The following NCKAP5 variants were observed in gnomAD, a reference collection of about 807,000 sequenced individuals.
The protein encoded by NCKAP5 is NCK associated protein 5.
A neutral mutation model predicts 167.0 loss-of-function variants in NCKAP5; 92 were observed. That is an observed-to-expected ratio of 0.55 (90% CI 0.47 to 0.66). NCKAP5 has a LOEUF of 0.66. Ranked by LOEUF, NCKAP5 falls within the 30% of genes least tolerant of loss-of-function variation. NCKAP5 has a pLI of 0.00. For missense variants in NCKAP5, 2,378 were observed against 2,315.0 expected, an observed-to-expected ratio of 1.03 and a Z score of -0.56; for synonymous variants, 891 against 877.4, an observed-to-expected ratio of 1.02 and a Z score of -0.27.
intron 19 of NCKAP5, among the ~76,000 whole-genome samples, chr2:132,703,248 A>T (rs916066909): frequency 1.8e-4 from 28 of 152,366 alleles, no homozygotes; most frequent in African/African-American, 6.7e-4. Flanking sequence ...TGAAAAATTT[A>T]AAAATAAATG....
At chr2:133,112,869 G>A (rs926462425) in intron 6 of NCKAP5, among the ~76,000 whole-genome samples, 2 of 152,200 alleles carry the variant, frequency 1.3e-5, no homozygotes, top group African/African-American at 4.8e-5. Context: ...ATAGCTGACT[G>A]TTTTATTTCT....
chr2:133,395,961 C>T (rs745642283), intron 3 of NCKAP5, among the ~76,000 whole-genome samples: 5 of 152,030 alleles, frequency 3.3e-5, no homozygotes, highest in Non-Finnish European at 7.4e-5. Flanking sequence ...CTCTACTCAA[C>T]GTACCATTTT....
At chr2:133,571,715 T>C (rs1688873225), upstream of NCKAP5, among the ~76,000 whole-genome samples, 1 of 152,192 alleles carries the variant, frequency 6.6e-6, no homozygotes, top group South Asian at 2.1e-4. Context: ...CTCTTAGAGC[T>C]GCTTACTGGT....
the NCKAP5 span, among the ~76,000 whole-genome samples, chr2:133,631,856 C>G: frequency 1.3e-5 from 2 of 152,120 alleles, no homozygotes; most frequent in Non-Finnish European, 2.9e-5. Context: ...GAGGGCAACT[C>G]TTGGGCTTTA....
intron 3 of NCKAP5, among the ~76,000 whole-genome samples, chr2:133,404,032 T>C (rs1688269181): frequency 6.6e-6 from 1 of 152,188 alleles, no homozygotes; most frequent in Admixed American, 6.5e-5. Context: ...CCTACACACC[T>C]GGGTAGCCCA....
chr2:132,719,848 T>A (rs1689740388), intron 19 of NCKAP5, among the ~76,000 whole-genome samples: 1 of 152,086 alleles, frequency 6.6e-6, no homozygotes, highest in South Asian at 2.1e-4. Flanking sequence ...AGACATTCAG[T>A]GAAGACAGAG....
At chr2:133,509,014 C>T (rs1343851800) in intron 3 of NCKAP5, among the ~76,000 whole-genome samples, 1 of 152,208 alleles carries the variant, frequency 6.6e-6, no homozygotes, top group Non-Finnish European at 1.5e-5. Flanking sequence ...TGCTGGCAGA[C>T]AACACTTATC....
chr2:132,722,204 C>T (rs1419006506), intron 19 of NCKAP5, among the ~76,000 whole-genome samples: 1 of 152,130 alleles, frequency 6.6e-6, no homozygotes, highest in Admixed American at 6.5e-5. Context: ...GCCCTCATAC[C>T]CAGGTACTCT....
At chr2:133,658,828 GTGGCTTCTT>G in the NCKAP5 span, among the ~76,000 whole-genome samples, 1 of 152,070 alleles carries the variant, frequency 6.6e-6, no homozygotes, top group Non-Finnish European at 1.5e-5. Flanking sequence ...GTCCTTGACT[GTGGCTTCTT>G]AAGCTGATTT....
chr2:132,779,181 C>G (rs1013924984), intron 15 of NCKAP5, among the ~76,000 whole-genome samples: 3 of 152,158 alleles, frequency 2.0e-5, no homozygotes, highest in African/African-American at 7.2e-5. Context: ...CCAAAGGACC[C>G]TGTGAAAGAC....
intron 7 of NCKAP5, among the ~76,000 whole-genome samples, chr2:132,967,198 C>T (rs1573579552): frequency 7.0e-6 from 1 of 142,134 alleles, no homozygotes; most frequent in East Asian, 2.0e-4. Flanking sequence ...CACACACACA[C>T]ACATACACAC....
intron 3 of NCKAP5, among the ~76,000 whole-genome samples, chr2:133,345,573 T>A (rs749404482): frequency 6.6e-6 from 1 of 152,142 alleles, no homozygotes; most frequent in Non-Finnish European, 1.5e-5. Context: ...AGTTTAATTG[T>A]TGTGCAGTGG....
intron 3 of NCKAP5, among the ~76,000 whole-genome samples, chr2:133,350,199 C>T (rs980221979): frequency 1.1e-4 from 17 of 152,156 alleles, no homozygotes; most frequent in South Asian, 2.1e-4. Context: ...ATCACCTGAG[C>T]CCAGGAGTTT....
intron 3 of NCKAP5, among the ~76,000 whole-genome samples, chr2:133,326,513 A>T (rs1682464526): frequency 6.6e-6 from 1 of 151,882 alleles, no homozygotes. Flanking sequence ...CTGGTCACAG[A>T]GCTGGTAAAC....
chr2:133,577,904 T>A, the NCKAP5 span, among the ~76,000 whole-genome samples: 1 of 152,186 alleles, frequency 6.6e-6, no homozygotes, highest in African/African-American at 2.4e-5. Context: ...GCTTCATTTG[T>A]GACCCTTCCA....
intron 4 of NCKAP5, among the ~76,000 whole-genome samples, chr2:133,296,164 T>G (rs1425919279): frequency 1.3e-5 from 2 of 152,152 alleles, no homozygotes; most frequent in African/African-American, 4.8e-5. Flanking sequence ...GATTGGTATT[T>G]GAGGTGTTTT....
intron 2 of NCKAP5, chr2:133,558,097 C>T (rs951771496): frequency 6.6e-6 from 1 of 152,240 alleles, no homozygotes; most frequent in South Asian, 2.1e-4. Flanking sequence ...TGTTCAATCT[C>T]TCTGTTCAGA....
At chr2:133,426,338 T>A (rs917871543) in intron 3 of NCKAP5, among the ~76,000 whole-genome samples, 2 of 149,996 alleles carry the variant, frequency 1.3e-5, no homozygotes, top group African/African-American at 4.9e-5. Flanking sequence ...AAAACTGTGA[T>A]GCAGTAAAAT....
chr2:132,917,622 T>C (rs77235009), intron 8 of NCKAP5, among the ~76,000 whole-genome samples: 2,252 of 152,340 alleles, frequency 0.015, 21 homozygotes, highest in Middle Eastern at 0.027. Flanking sequence ...AGGGAAAATA[T>C]TATTTCACAT....
Sources: gnomAD v4.1 joint callset for allele counts (sites outside exome capture counted in the v4.1 genomes callset) on GRCh38, gnomAD v4.1.1 for gene constraint, MANE v1.5 for transcripts, NCBI Gene and HGNC (gene_info 2026-07-23, HGNC 2026-07-21) for gene names.